The following PDSS2 variants were observed in gnomAD, a reference collection of about 807,000 sequenced individuals.
PDSS2 encodes all trans-polyprenyl-diphosphate synthase PDSS2.
Under a neutral mutation model 44.5 loss-of-function variants are expected in PDSS2, and 31 were observed. That is an observed-to-expected ratio of 0.70 (90% CI 0.52 to 0.94). The LOEUF is 0.94. Among genes scored for constraint, PDSS2 ranks in the 40% least tolerant of loss-of-function variants. PDSS2 has a pLI of 0.00. For synonymous variants in PDSS2, 157 were observed against 180.3 expected, an observed-to-expected ratio of 0.87 and a Z score of 1.03; for missense variants, 452 against 482.2, an observed-to-expected ratio of 0.94 and a Z score of 0.59.
intron 6 of PDSS2, among the ~76,000 whole-genome samples, chr6:107,208,285 CTTTTTTT>C (rs1164014672): frequency 3.2e-4 from 17 of 53,276 alleles, no homozygotes; most frequent in Admixed American, 6.4e-4. Flanking sequence ...CATGCCTGGC[CTTTTTTT>C]TTTTTTTTTT....
At chr6:107,359,905 T>C (rs1778716045) in intron 1 of PDSS2, among the ~76,000 whole-genome samples, 1 of 152,162 alleles carries the variant, frequency 6.6e-6, no homozygotes, top group African/African-American at 2.4e-5. Context: ...AAGAAACCCT[T>C]AGTACATCCT....
At chr6:107,240,239 C>A (rs1197741712) in intron 4 of PDSS2, among the ~76,000 whole-genome samples, 2 of 151,986 alleles carry the variant, frequency 1.3e-5, no homozygotes, top group Non-Finnish European at 2.9e-5. Context: ...GAGACCTTGT[C>A]TCTACAAAAG....
intron 1 of PDSS2, among the ~76,000 whole-genome samples, chr6:107,431,331 C>T (rs948706375): frequency 5.3e-5 from 8 of 152,208 alleles, no homozygotes; most frequent in African/African-American, 1.9e-4. Context: ...TGGCTCACTA[C>T]AGCCTCCACT....
At chr6:107,445,442 G>A (rs2114826493) in intron 1 of PDSS2, among the ~76,000 whole-genome samples, 1 of 152,180 alleles carries the variant, frequency 6.6e-6, no homozygotes, top group East Asian at 1.9e-4. Context: ...TTTTAGGAAG[G>A]TGCATTTTAC....
At chr6:107,338,252 AT>A (rs1259739074) in intron 1 of PDSS2, among the ~76,000 whole-genome samples, 2 of 152,200 alleles carry the variant, frequency 1.3e-5, no homozygotes, top group African/African-American at 4.8e-5. Context: ...CACAGGTCAT[AT>A]TTCATCTGGA....
intron 1 of PDSS2, among the ~76,000 whole-genome samples, chr6:107,415,886 C>T (rs1454298752): frequency 6.6e-6 from 1 of 152,100 alleles, no homozygotes; most frequent in Non-Finnish European, 1.5e-5. Context: ...TCCCAGGTAT[C>T]GATTCTCTGC....
intron 4 of PDSS2, among the ~76,000 whole-genome samples, chr6:107,237,897 G>GGA (rs1186889589): frequency 1.1e-3 from 88 of 80,654 alleles, no homozygotes; most frequent in African/African-American, 3.7e-3. Context: ...CTCCGTCTCT[G>GGA]AAAAAAAAAA....
At chr6:107,255,278 G>A (rs542138650) in intron 3 of PDSS2, among the ~76,000 whole-genome samples, 2 of 136,478 alleles carry the variant, frequency 1.5e-5, no homozygotes, top group East Asian at 2.2e-4. Flanking sequence ...CCCCAACCTC[G>A]ACCTCCCGGG....
intron 7 of PDSS2, among the ~76,000 whole-genome samples, chr6:107,169,091 T>C (rs1325996169): frequency 1.3e-4 from 20 of 152,090 alleles, no homozygotes; most frequent in Non-Finnish European, 2.9e-5. Context: ...TGGTTCCATT[T>C]TCCCTGTCAC....
chr6:107,417,573 A>C (rs1341203591), intron 1 of PDSS2, among the ~76,000 whole-genome samples: 1 of 152,186 alleles, frequency 6.6e-6, no homozygotes, highest in East Asian at 1.9e-4. Context: ...AGTCTAGCCA[A>C]CATGGTGAAA....
intron 1 of PDSS2, among the ~76,000 whole-genome samples, chr6:107,369,391 C>A (rs1427869907): frequency 2.0e-5 from 3 of 152,040 alleles, no homozygotes; most frequent in Admixed American, 6.6e-5. Context: ...GCCCTCCAGC[C>A]TGGGCAACAG....
chr6:107,267,858 A>T (rs1775462397), intron 3 of PDSS2, among the ~76,000 whole-genome samples: 1 of 151,696 alleles, frequency 6.6e-6, no homozygotes, highest in Non-Finnish European at 1.5e-5. Context: ...CTCCCAAAGT[A>T]CTGGGATGAT....
chr6:107,263,900 G>A (rs1775327898), intron 3 of PDSS2, among the ~76,000 whole-genome samples: 1 of 152,092 alleles, frequency 6.6e-6, no homozygotes, highest in Non-Finnish European at 1.5e-5. Flanking sequence ...TATACTATAT[G>A]ACACCCCACT....
At chr6:107,458,411 T>TAAAAAAAAAAAAAAA (rs1782119719) in intron 1 of PDSS2, among the ~76,000 whole-genome samples, 3 of 14,544 alleles carry the variant, frequency 2.1e-4, no homozygotes, top group Admixed American at 7.7e-4. Flanking sequence ...AGACTCCGTC[T>TAAAAAAAAAAAAAAA]CAAAAAAAAA....
intron 4 of PDSS2, among the ~76,000 whole-genome samples, chr6:107,230,684 T>TGGAC (rs1469660116): frequency 3.2e-4 from 48 of 151,676 alleles, no homozygotes; most frequent in South Asian, 6.2e-4. Context: ...CATGTTTTTC[T>TGGAC]CATAGTGATG....
intron 2 of PDSS2, among the ~76,000 whole-genome samples, chr6:107,289,681 A>ATTTTTT (rs1776281563): frequency 6.6e-6 from 1 of 152,132 alleles, no homozygotes; most frequent in South Asian, 2.1e-4. Flanking sequence ...GGGAGACAGA[A>ATTTTTT]TGAAACCCTG....
chr6:107,389,693 G>A (rs1779721510), intron 1 of PDSS2, among the ~76,000 whole-genome samples: 1 of 152,128 alleles, frequency 6.6e-6, no homozygotes, highest in South Asian at 2.1e-4. Flanking sequence ...GTGTATACAT[G>A]AATAAGTATA....
At chr6:107,155,983 G>T (rs142385682) in intron 7 of PDSS2, among the ~76,000 whole-genome samples, 1 of 143,456 alleles carries the variant, frequency 7.0e-6, no homozygotes, top group Non-Finnish European at 1.5e-5. Flanking sequence ...TCCGCCTCCC[G>T]GATTCAAGCA....
intron 2 of PDSS2, among the ~76,000 whole-genome samples, chr6:107,315,612 G>C (rs1475040149): frequency 1.3e-5 from 2 of 152,172 alleles, no homozygotes; most frequent in Non-Finnish European, 2.9e-5. Flanking sequence ...AAGAAAGAAA[G>C]AAAGAAAGCA....
Sources: gnomAD v4.1 joint callset for allele counts (sites outside exome capture counted in the v4.1 genomes callset) on GRCh38, gnomAD v4.1.1 for gene constraint, MANE v1.5 for transcripts, NCBI Gene and HGNC (gene_info 2026-07-23, HGNC 2026-07-21) for gene names.